Variants in CTDSPL2 observed in about 807,000 individuals in gnomAD.
CTDSPL2 encodes CTD small phosphatase like 2, also known as CTD small phosphatase-like protein 2.
A neutral mutation model predicts 60.0 loss-of-function variants in CTDSPL2; 5 were observed. That is an observed-to-expected ratio of 0.08 (90% CI 0.04 to 0.18). CTDSPL2 has a LOEUF of 0.18. Ranked by LOEUF, CTDSPL2 falls within the 10% of genes least tolerant of loss-of-function variation. The pLI, the probability that CTDSPL2 is intolerant of heterozygous loss-of-function variation, is 1.00. For synonymous variants in CTDSPL2, 186 were observed against 189.3 expected, an observed-to-expected ratio of 0.98 and a Z score of 0.14; for missense variants, 370 against 548.8, an observed-to-expected ratio of 0.67 and a Z score of 3.26.
intron 2 of CTDSPL2, among the ~76,000 whole-genome samples, chr15:44,459,601 A>G (rs1038578351): frequency 1.3e-5 from 2 of 152,186 alleles, no homozygotes; most frequent in Non-Finnish European, 2.9e-5. Context: ...ACCAAAAACT[A>G]CGTTTTGGTG....
Position 44,523,726 on chromosome 15 carries a change from T to C in CTDSPL2, c.1336-383T>C, listed in dbSNP as rs534057833. 4.5e-3 allele frequency among the ~76,000 whole-genome samples: 683 copies of C among 152,256 alleles called. 5 individuals carry two copies. Among genetic ancestry groups the C allele is most frequent in the African/African-American group, 0.016 (650 of 41,552 alleles). ...CAGCCTGGCCAACATGGTGAAACCT[T>C]GCCTCTACAAAAATTACAAAAAATT... On this transcript the variant is annotated intron_variant, in intron 12 of 12. Coordinates refer to ENST00000260327, the MANE Select transcript of CTDSPL2 (RefSeq NM_016396.3).
At chr15:44,483,836 C>T (rs985191417) in intron 2 of CTDSPL2, among the ~76,000 whole-genome samples, 1 of 152,164 alleles carries the variant, frequency 6.6e-6, no homozygotes, top group Non-Finnish European at 1.5e-5. Context: ...CCAGCACATT[C>T]AGTGGGGCTC....
chr15:44,455,017 C>A, intron 1 of CTDSPL2, among the ~76,000 whole-genome samples: 1 of 152,160 alleles, frequency 6.6e-6, no homozygotes, highest in Non-Finnish European at 1.5e-5. Context: ...TTACCTTGGG[C>A]AGTATGGCCA....
At chr15:44,453,276 T>C (rs186749444) in intron 1 of CTDSPL2, among the ~76,000 whole-genome samples, 4 of 152,302 alleles carry the variant, frequency 2.6e-5, no homozygotes, top group Non-Finnish European at 4.4e-5. Flanking sequence ...CATGTGGGTT[T>C]TTCATAAATA....
rs766851595 is a variant in CTDSPL2 at position 44,459,215 on chromosome 15, A to T, written c.186+15A>T. 3 of 1,558,120 alleles carry T rather than the reference A, an allele frequency of 1.9e-6. No homozygotes were observed. Among genetic ancestry groups the T allele is most frequent in the Non-Finnish European group, 1.7e-6 (2 of 1,148,872 alleles). ...GCACACCTAAGGTAATGATTTTACC[A>T]TATACTTTCATATCATTAAAAGTGA... On this transcript the variant is annotated intron_variant, in intron 2 of 12. Transcript: ENST00000260327.
chr15:44,479,060 A>T (rs1350017007), intron 2 of CTDSPL2, among the ~76,000 whole-genome samples: 2 of 149,988 alleles, frequency 1.3e-5, no homozygotes, highest in Non-Finnish European at 3.0e-5. Context: ...TCATTTCTTT[A>T]AAAAAAAACA....
At chr15:44,459,297 G>A in intron 2 of CTDSPL2, 97 bp downstream of exon 2, 2 of 765,450 alleles carry the variant, frequency 2.6e-6, no homozygotes, top group Non-Finnish European at 4.0e-6. Context: ...AGAGCCCCAG[G>A]CAGGTGGATC....
At chr15:44,485,853 A>G (rs2081109577) in intron 3 of CTDSPL2, among the ~76,000 whole-genome samples, 1 of 152,218 alleles carries the variant, frequency 6.6e-6, no homozygotes, top group Admixed American at 6.5e-5. Flanking sequence ...AAATAGAGAA[A>G]GAAACAAGTT....
At chr15:44,447,007 C>T (rs1595704551) in intron 1 of CTDSPL2, among the ~76,000 whole-genome samples, 1 of 151,952 alleles carries the variant, frequency 6.6e-6, no homozygotes, top group East Asian at 1.9e-4. Context: ...CTGCACCCAG[C>T]CTGGTAACTT....
chr15:44,468,956 G>A (rs2080751121), intron 2 of CTDSPL2, among the ~76,000 whole-genome samples: 1 of 152,104 alleles, frequency 6.6e-6, no homozygotes, highest in Admixed American at 6.6e-5. Flanking sequence ...TAGTCACTTA[G>A]TAGCTTTCTT....
chr15:44,442,463 AGAT>A (rs755943549), intron 1 of CTDSPL2, among the ~76,000 whole-genome samples: 3 of 151,124 alleles, frequency 2.0e-5, no homozygotes, highest in South Asian at 2.1e-4. Flanking sequence ...AAAAAAAAAA[AGAT>A]AGATAATTTT....
chr15:44,492,177 T>A (rs28487964), intron 5 of CTDSPL2, among the ~76,000 whole-genome samples: 3,230 of 152,040 alleles, frequency 0.021, 50 homozygotes, highest in Middle Eastern at 0.058. Flanking sequence ...CCAAAAAAAA[T>A]TTTTTTAAAT....
chr15:44,436,130 T>C (rs1052567925), intron 1 of CTDSPL2, among the ~76,000 whole-genome samples: 5 of 152,204 alleles, frequency 3.3e-5, no homozygotes, highest in Non-Finnish European at 7.4e-5. Context: ...GGAAACATGC[T>C]GCTACTTTTG....
chr15:44,444,083 T>G (rs2080149795), intron 1 of CTDSPL2, among the ~76,000 whole-genome samples: 1 of 151,718 alleles, frequency 6.6e-6, no homozygotes, highest in Admixed American at 6.6e-5. Context: ...TTTTTTTAGT[T>G]TTTTAGGGAT....
chr15:44,510,097 G>A lies in CTDSPL2; in HGVS notation c.970-4501G>A, dbSNP rs182609370. ...GTCTCCTGGGTTCAAGCAATTCTCCGGTCTCAGCCTCCCCAGTAGCTGGGA... is the reference window on the plus strand; with the variant it reads ...GTCTCCTGGGTTCAAGCAATTCTCCAGTCTCAGCCTCCCCAGTAGCTGGGA... On this transcript the variant is annotated intron_variant, in intron 8 of 12. Coordinates refer to ENST00000260327, the MANE Select transcript of CTDSPL2 (RefSeq NM_016396.3). Among the ~76,000 whole-genome samples the A allele has an allele frequency of 3.6e-3, 537 of 151,214 alleles. 7 individuals carry two copies. The highest frequency in any genetic ancestry group is 0.01 in the East Asian group (52 of 5,116).
chr15:44,496,252 G>A, intron 5 of CTDSPL2, 128 bp from the exon 6 acceptor site: 1 of 633,298 alleles, frequency 1.6e-6, no homozygotes, highest in East Asian at 3.0e-5. Context: ...GCTTTTAGGT[G>A]TTTACAAGTT....
intron 2 of CTDSPL2, among the ~76,000 whole-genome samples, chr15:44,468,685 T>C (rs769925645): frequency 1.2e-4 from 18 of 152,240 alleles, no homozygotes; most frequent in Admixed American, 2.6e-4. Flanking sequence ...TGTAGACGGC[T>C]ACATAAATGA....
At chr15:44,501,980 C>T (rs1238123725) in intron 8 of CTDSPL2, 1 of 455,360 alleles carries the variant, frequency 2.2e-6, no homozygotes, top group Non-Finnish European at 4.4e-6. Flanking sequence ...TCTCCATCTA[C>T]TGGCAAAGAA....
chr15:44,521,245 T>G, intron 11 of CTDSPL2, 66 bp from the exon 12 acceptor site: 1 of 778,276 alleles, frequency 1.3e-6, no homozygotes, highest in Non-Finnish European at 2.1e-6. Flanking sequence ...TGTTTATTTT[T>G]TAACTTTTTC....
Sources: gnomAD v4.1 joint callset for allele counts (sites outside exome capture counted in the v4.1 genomes callset) on GRCh38, gnomAD v4.1.1 for gene constraint, MANE v1.5 for transcripts, NCBI Gene and HGNC (gene_info 2026-07-23, HGNC 2026-07-21) for gene names.